Variants in PDE1A observed in about 807,000 individuals in gnomAD.
PDE1A encodes phosphodiesterase 1A, also known as dual specificity calcium/calmodulin-dependent 3',5'-cyclic nucleotide phosphodiesterase 1A.
A neutral mutation model predicts 61.7 loss-of-function variants in PDE1A; 35 were observed. The ratio of observed to expected loss-of-function variants is 0.57; its 90% CI spans 0.43 to 0.75. The LOEUF (loss-of-function observed/expected upper bound fraction) is 0.75, where lower values mean the gene tolerates loss of function less well. Ranked by LOEUF, PDE1A falls within the 30% of genes least tolerant of loss-of-function variation. The pLI, the probability that PDE1A is intolerant of heterozygous loss-of-function variation, is 0.00. For missense variants in PDE1A, 597 were observed against 630.6 expected (o/e 0.95, Z 0.57); for synonymous variants, 232 against 213.2 (o/e 1.09, Z -0.77).
intron 2 of PDE1A, among the ~76,000 whole-genome samples, chr2:182,495,234 G>A (rs1442693750): frequency 1.3e-5 from 2 of 152,152 alleles, no homozygotes; most frequent in African/African-American, 4.8e-5. Context: ...TTTCCTTGGG[G>A]TGGTAAGGGT....
chr2:182,579,383 G>A, the PDE1A span, among the ~76,000 whole-genome samples: 1 of 152,190 alleles, frequency 6.6e-6, no homozygotes, highest in Non-Finnish European at 1.5e-5. Flanking sequence ...AAGGTGGCAG[G>A]CATATAATAC....
the PDE1A span, among the ~76,000 whole-genome samples, chr2:182,545,938 C>T: frequency 6.6e-6 from 1 of 152,122 alleles, no homozygotes; most frequent in Non-Finnish European, 1.5e-5. Context: ...TTTTATCATA[C>T]AGAGTTTTAA....
intron 1 of PDE1A, among the ~76,000 whole-genome samples, chr2:182,326,303 G>A (rs1697043665): frequency 6.6e-6 from 1 of 152,026 alleles, no homozygotes; most frequent in Non-Finnish European, 1.5e-5. Context: ...CAGCCAAATG[G>A]GGAAAAAATT....
At chr2:182,140,471 T>C (rs1045097514) in exon 15 of PDE1A, 5 of 152,212 alleles carry the variant, frequency 3.3e-5, no homozygotes, top group African/African-American at 1.2e-4. Context: ...AAACACCAAA[T>C]GTTTCACAAT....
chr2:182,292,623 T>C (rs1694611629), intron 1 of PDE1A, among the ~76,000 whole-genome samples: 1 of 152,022 alleles, frequency 6.6e-6, no homozygotes. Flanking sequence ...GTACAAAATT[T>C]GCTATTTTTA....
chr2:182,309,194 A>G (rs934700821), intron 1 of PDE1A, among the ~76,000 whole-genome samples: 1 of 152,068 alleles, frequency 6.6e-6, no homozygotes. Flanking sequence ...AGGAGACAAG[A>G]CTTATTAACT....
chr2:182,247,198 T>C (rs1691038070), intron 2 of PDE1A, among the ~76,000 whole-genome samples: 1 of 146,644 alleles, frequency 6.8e-6, no homozygotes, highest in Non-Finnish European at 1.5e-5. Context: ...ATATATTTGG[T>C]GTAGAAAAAA....
the PDE1A span, among the ~76,000 whole-genome samples, chr2:182,626,488 A>G: frequency 6.6e-6 from 1 of 151,606 alleles, no homozygotes; most frequent in Admixed American, 6.6e-5. Flanking sequence ...TATTTCAAAC[A>G]CATGTTGAAC....
chr2:182,421,874 C>T (rs1399667016), intron 1 of PDE1A, among the ~76,000 whole-genome samples: 1 of 152,170 alleles, frequency 6.6e-6, no homozygotes, highest in Admixed American at 6.5e-5. Context: ...ATTAGGTCCA[C>T]AAACAAAATT....
At chr2:182,427,437 T>C (rs1228044578), upstream of PDE1A, among the ~76,000 whole-genome samples, 2 of 152,168 alleles carry the variant, frequency 1.3e-5, no homozygotes, top group Non-Finnish European at 2.9e-5. Flanking sequence ...TATACCCAGA[T>C]GTCTGTACCC....
At chr2:182,620,194 A>G in the PDE1A span, among the ~76,000 whole-genome samples, 1 of 139,844 alleles carries the variant, frequency 7.2e-6, no homozygotes, top group Admixed American at 7.5e-5. Flanking sequence ...TTTATTTAAT[A>G]AATAACAATT....
exon 1 of PDE1A, chr2:182,522,708 C>A: frequency 1.9e-6 from 2 of 1,043,964 alleles, no homozygotes; most frequent in South Asian, 3.9e-5. Context: ...TCATCTGTTA[C>A]TGTTCTGTGC....
intron 1 of PDE1A, among the ~76,000 whole-genome samples, chr2:182,312,091 T>G (rs1456435031): frequency 1.3e-5 from 2 of 152,218 alleles, no homozygotes; most frequent in Non-Finnish European, 2.9e-5. Context: ...TCCTCTTTGA[T>G]GGAAGTGTCT....
chr2:182,495,299 T>C (rs1481830438), intron 2 of PDE1A, among the ~76,000 whole-genome samples: 3 of 152,162 alleles, frequency 2.0e-5, no homozygotes, highest in Non-Finnish European at 4.4e-5. Context: ...TCCCTTTCAG[T>C]ATCTCATTCG....
intron 2 of PDE1A, among the ~76,000 whole-genome samples, chr2:182,246,405 C>T (rs6720202): frequency 0.45 from 35,612 of 78,274 alleles, 6,918 homozygotes; most frequent in East Asian, 0.49. Flanking sequence ...TTTTTTCTTT[C>T]TTTTTTTTTT....
chr2:182,661,739 A>G, the PDE1A span, among the ~76,000 whole-genome samples: 1 of 152,188 alleles, frequency 6.6e-6, no homozygotes, highest in Non-Finnish European at 1.5e-5. Flanking sequence ...TGTACCAAAT[A>G]TATTCCTAAA....
At chr2:182,150,603 G>A (rs565676537) in intron 13 of PDE1A, among the ~76,000 whole-genome samples, 5 of 152,270 alleles carry the variant, frequency 3.3e-5, no homozygotes, top group East Asian at 1.9e-4. Flanking sequence ...AAGAGTTTTA[G>A]GTGTTCATCT....
At position 182,438,938 on chromosome 2, in the gene PDE1A, G is replaced by A. The variant is rs543154159; in HGVS notation, c.101+83338C>T. Among the ~76,000 whole-genome samples, 7 of 152,078 alleles carry A rather than the reference G, an allele frequency of 4.6e-5. No homozygotes were observed. The South Asian group carries it at 1.5e-3, about 32-fold the overall frequency. ...GTATAGGGATATCAGTAAAAAGCATGTTAGAGTAGTCTAGGTGAAAGATGA... is the reference window on the plus strand; with the variant it reads ...GTATAGGGATATCAGTAAAAAGCATATTAGAGTAGTCTAGGTGAAAGATGA... On this transcript the variant is annotated intron_variant, in intron 2 of 14. Coordinates refer to the PDE1A transcript ENST00000410103.
At chr2:182,540,385 AGCAGCAGCAGCAGC>A in the PDE1A span, among the ~76,000 whole-genome samples, 5 of 50,624 alleles carry the variant, frequency 9.9e-5, no homozygotes, top group East Asian at 2.0e-3. Context: ...AAAAAAAAAA[AGCAGCAGCAGCAGC>A]AGCAGCAGCA....
Sources: allele counts gnomAD v4.1 joint callset (sites outside exome capture counted in the v4.1 genomes callset), GRCh38; gene constraint gnomAD v4.1.1; transcripts MANE v1.5; gene names NCBI Gene and HGNC (gene_info 2026-07-23, HGNC 2026-07-21).